The following TNFSF12 variants were observed in gnomAD, a reference collection of about 807,000 sequenced individuals.
TNFSF12 encodes the protein TNF superfamily member 12.
TNFSF12 carries 16 observed loss-of-function variants against 31.2 expected under a neutral mutation model. That is an observed-to-expected ratio of 0.51 (90% CI 0.35 to 0.78). The LOEUF is 0.78. Ranked by LOEUF, TNFSF12 falls within the 30% of genes least tolerant of loss-of-function variation. The pLI is 0.01. For synonymous variants in TNFSF12, 150 were observed against 151.4 expected (o/e 0.99, Z 0.07); for missense variants, 324 against 338.8 (o/e 0.96, Z 0.34).
At chr17:7,554,517 G>A (rs1395806737) in intron 5 of TNFSF12, among the ~76,000 whole-genome samples, 14 of 150,340 alleles carry the variant, frequency 9.3e-5, no homozygotes, top group Non-Finnish European at 1.9e-4. Flanking sequence ...GGGTTTCACC[G>A]TGTTAGCCAG....
intron 5 of TNFSF12, among the ~76,000 whole-genome samples, chr17:7,555,595 C>T (rs2071052231): frequency 6.6e-6 from 1 of 152,098 alleles, no homozygotes; most frequent in Admixed American, 6.6e-5. Flanking sequence ...AGGGAATAAA[C>T]TGGAGGAAGC....
At chr17:7,553,534 A>G in intron 5 of TNFSF12, 1 of 850,672 alleles carries the variant, frequency 1.2e-6, no homozygotes. Context: ...GGTCTTATCT[A>G]ATCCTCACAA....
In TNFSF12 at chr17:7,550,949, C is replaced by T; in HGVS notation, c.344C>T (p.Pro115Leu). 6.2e-7 allele frequency: 1 copy of T among 1,614,138 alleles called. No individual in the cohort carries two copies. Among genetic ancestry groups the T allele is most frequent in the Non-Finnish European group, 8.5e-7 (1 of 1,180,014 alleles). ...CTTTTCCTGTACTTTACAGTTCATCCACGACCTGGACAGGACGGAGCGCAG... is the reference window on the plus strand; with the variant it reads ...CTTTTCCTGTACTTTACAGTTCATCTACGACCTGGACAGGACGGAGCGCAG... ...RAIAAHYEVH[P>L]RPGQDGAQAG... Residue 115 changes from proline (P) to leucine (L), a missense_variant, in exon 5 of 7, where the codon CCA becomes CTA. Pro to Leu is a moderately conservative substitution (Grantham distance 98, BLOSUM62 -3). Transcript: ENST00000293825. The surrounding 1 kb of genome is among the most constrained non-coding windows in gnomAD (Gnocchi z 4.4).
At position 7,550,026 on chromosome 17, in the gene TNFSF12, T is replaced by C; in HGVS notation, c.208-94T>C. On this transcript the variant is annotated intron_variant, in intron 2 of 6. Transcript: ENST00000293825. The surrounding 1 kb of genome is among the most constrained non-coding windows in gnomAD (Gnocchi z 4.4). ...GCTTAATCTGTCCCTGACTTCTGTG[T>C]CTATTGCTGGCTGGTGGCTCTCCTG... is the stretch of plus-strand genomic sequence containing the variant. The C allele has an allele frequency of 6.3e-7, 1 of 1,595,110 alleles. No homozygotes were observed. Among genetic ancestry groups the C allele is most frequent in the Non-Finnish European group, 8.6e-7 (1 of 1,164,492 alleles).
intron 5 of TNFSF12, among the ~76,000 whole-genome samples, chr17:7,551,275 T>C (rs2070999049): frequency 6.6e-6 from 1 of 152,202 alleles, no homozygotes; most frequent in Admixed American, 6.5e-5. Flanking sequence ...TTCCACGTTC[T>C]GATGATCTTT....
chr17:7,549,112 C>A lies in TNFSF12; in HGVS notation c.-42C>A. On this transcript the variant is annotated 5_prime_UTR_variant, in exon 1 of 7. Transcript: ENST00000293825. The surrounding 1 kb of genome is among the most constrained non-coding windows in gnomAD (Gnocchi z 4.1). ...CCCCCTCCCCCGATCCCTCGGGTCC[C>A]GGGATGGGGGGGCGGTGAGGCAGGC... 8.0e-7 allele frequency: 1 copy of A among 1,243,594 alleles called. No homozygotes were observed. 77.0% of individuals were successfully genotyped at this position (1,243,594 alleles called of 1,614,324 possible).
chr17:7,554,376 C>A (rs11871455), intron 5 of TNFSF12, among the ~76,000 whole-genome samples: 9 of 144,050 alleles, frequency 6.2e-5, no homozygotes, highest in South Asian at 2.2e-4. Flanking sequence ...TGTAGTGGCG[C>A]GATCTCGGCT....
Position 7,557,285 on chromosome 17 carries a change from C to A in TNFSF12, c.685C>A (p.Leu229Ile), listed in dbSNP as rs1333615312. The A allele has an allele frequency of 6.2e-7, 1 of 1,613,706 alleles. No homozygotes were observed. The highest frequency in any genetic ancestry group is 1.7e-5 in the Admixed American group (1 of 60,002). The part of the protein sequence containing the change: ...RPGSSLRIRT[L>I]PWAHLKAAPF... ...AGGGTCCTCCCTGCGGATCCGCACC[C>A]TCCCCTGGGCCCATCTCAAGGCTGC... Residue 229 changes from leucine (L) to isoleucine (I), a missense_variant, in exon 7 of 7, where the codon CTC becomes ATC. Physicochemically the swap from Leu to Ile is conservative, Grantham distance 5 (BLOSUM62 2). Transcript: ENST00000293825. This position sits in a 1 kb window ranked among gnomAD's most constrained non-coding sequence, Gnocchi z 5.2.
In TNFSF12 at chr17:7,557,429, C is replaced by T. The variant is rs1373227885; in HGVS notation, c.*79C>T. 2 of 1,497,756 alleles carry T rather than the reference C, an allele frequency of 1.3e-6. No homozygotes were observed. Among genetic ancestry groups the T allele is most frequent in the Non-Finnish European group, 1.8e-6 (2 of 1,126,686 alleles). 92.8% of individuals were successfully genotyped at this position (1,497,756 alleles called of 1,614,324 possible). A position where few individuals can be genotyped will look rare whatever the true frequency, so the allele number is the denominator to read the frequency against. On this transcript the variant is annotated 3_prime_UTR_variant, in exon 7 of 7. Coordinates refer to ENST00000293825, the MANE Select transcript of TNFSF12 (RefSeq NM_003809.3). This position sits in a 1 kb window ranked among gnomAD's most constrained non-coding sequence, Gnocchi z 5.2. ...CTCTGGGCACCCGGTCCCCTCTGCC[C>T]CACCCTCAGCCGCTCTTTGCTCCAG...
chr17:7,550,824 T>C lies in TNFSF12; in HGVS notation c.309T>C (p.Ala103=), dbSNP rs771407996. The change falls in exon 4 of 7, where the codon GCT becomes GCC. Residue 103 remains alanine, a synonymous_variant. Coordinates refer to ENST00000293825, the MANE Select transcript of TNFSF12 (RefSeq NM_003809.3). The surrounding 1 kb of genome is among the most constrained non-coding windows in gnomAD (Gnocchi z 4.4). ...RSAPKGRKTR[A]RRAIAAHYEV... Reference sequence around the variant, plus strand: ...CACCTAAAGGCCGGAAAACACGGGCTCGAAGAGCGATCGCAGCCCATTATG... The same window carrying C: ...CACCTAAAGGCCGGAAAACACGGGCCCGAAGAGCGATCGCAGCCCATTATG... 1 of 1,612,336 alleles carries C rather than the reference T, an allele frequency of 6.2e-7. No homozygotes were observed.
Position 7,549,217 on chromosome 17 carries a change from G to C in TNFSF12, c.64G>C (p.Val22Leu), listed in dbSNP as rs1413049593. Residue 22 changes from valine (V) to leucine (L), a missense_variant, in exon 1 of 7, where the codon GTC becomes CTC. Physicochemically the swap from Val to Leu is conservative, Grantham distance 32. Coordinates refer to ENST00000293825, the MANE Select transcript of TNFSF12 (RefSeq NM_003809.3). This position sits in a 1 kb window ranked among gnomAD's most constrained non-coding sequence, Gnocchi z 4.1. ...RRGEPGTALL[V>L]PLALGLGLAL... is the part of the protein sequence containing the mutation. ...GGGGGAGCCGGGCACCGCCCTGCTGGTCCCGCTCGCGCTGGGCCTGGGCCT... is the reference window on the plus strand; with the variant it reads ...GGGGGAGCCGGGCACCGCCCTGCTGCTCCCGCTCGCGCTGGGCCTGGGCCT... The C allele has an allele frequency of 7.4e-7, 1 of 1,353,052 alleles. No individual in the cohort carries two copies. Among genetic ancestry groups the C allele is most frequent in the Non-Finnish European group, 9.5e-7 (1 of 1,056,846 alleles). 83.8% of individuals were successfully genotyped at this position (1,353,052 alleles called of 1,614,324 possible). A position where few individuals can be genotyped will look rare whatever the true frequency, so the allele number is the denominator to read the frequency against.
At chr17:7,556,339 T>C (rs1303449717) in intron 5 of TNFSF12, among the ~76,000 whole-genome samples, 2 of 152,194 alleles carry the variant, frequency 1.3e-5, no homozygotes, top group Non-Finnish European at 2.9e-5. Context: ...TTCACTCTTT[T>C]TATGGCCAAA....
chr17:7,549,979 C>T lies in TNFSF12; in HGVS notation c.208-141C>T. 1 of 1,364,738 alleles carries T rather than the reference C, an allele frequency of 7.3e-7. No homozygotes were observed. The allele number at this position is 1,364,738 out of a possible 1,614,324, so 84.5% of individuals were successfully genotyped here. ...TCCCAGCTTCACCTTTGCCCGGGGCCCCAGCTGTAGTTGGCTGAGGGGCTT... is the reference window on the plus strand; with the variant it reads ...TCCCAGCTTCACCTTTGCCCGGGGCTCCAGCTGTAGTTGGCTGAGGGGCTT... On this transcript the variant is annotated intron_variant, in intron 2 of 6. Coordinates refer to ENST00000293825, the MANE Select transcript of TNFSF12 (RefSeq NM_003809.3). This position sits in a 1 kb window ranked among gnomAD's most constrained non-coding sequence, Gnocchi z 4.1.
chr17:7,553,143 G>A (rs1030198559), intron 5 of TNFSF12, among the ~76,000 whole-genome samples: 34 of 138,232 alleles, frequency 2.5e-4, no homozygotes, highest in African/African-American at 7.9e-4. Flanking sequence ...TCCACCTCCC[G>A]GGTTCAAGCA....
Position 7,549,244 on chromosome 17 carries a change from G to C in TNFSF12, c.91G>C (p.Ala31Pro), listed in dbSNP as rs2070970404. The C allele has an allele frequency of 7.2e-7, 1 of 1,393,916 alleles. No homozygotes were observed. Among genetic ancestry groups the C allele is most frequent in the South Asian group, 1.6e-5 (1 of 63,118 alleles). 86.3% of individuals were successfully genotyped at this position (1,393,916 alleles called of 1,614,324 possible). Reference sequence around the variant, plus strand: ...CCCGCTCGCGCTGGGCCTGGGCCTGGCGCTGGCCTGCCTCGGCCTCCTGCT... The same window carrying C: ...CCCGCTCGCGCTGGGCCTGGGCCTGCCGCTGGCCTGCCTCGGCCTCCTGCT... ...LVPLALGLGLALACLGLLLAV... is the reference protein window; with the variant it reads ...LVPLALGLGLPLACLGLLLAV... The change falls in exon 1 of 7, where the codon GCG becomes CCG. Residue 31 changes from alanine (A) to proline (P), a missense_variant. Physicochemically the swap from Ala to Pro is conservative, Grantham distance 27 (BLOSUM62 -1). Transcript: ENST00000293825. The surrounding 1 kb of genome is among the most constrained non-coding windows in gnomAD (Gnocchi z 4.1).
intron 5 of TNFSF12, 133 bp from the exon 6 acceptor site, chr17:7,556,645 C>T (rs2071070688): frequency 2.3e-6 from 3 of 1,325,270 alleles, no homozygotes; most frequent in Middle Eastern, 2.0e-4. Flanking sequence ...GATGGGTCCT[C>T]CCTTGCCCGG....
Position 7,557,093 on chromosome 17 carries a change from C to A in TNFSF12, c.499-6C>A. The A allele has an allele frequency of 6.2e-7, 1 of 1,608,148 alleles. No individual in the cohort carries two copies. Among genetic ancestry groups the A allele is most frequent in the East Asian group, 2.2e-5 (1 of 44,750 alleles). The stretch of plus-strand genomic sequence containing the variant: ...GCCTGGACTCGGCCTGTTGTCCCCA[C>A]CCCAGGTGCACTTTGATGAGGGGAA... On this transcript the variant is annotated splice_region_variant and splice_polypyrimidine_tract_variant and intron_variant, in intron 6 of 6. Coordinates refer to ENST00000293825, the MANE Select transcript of TNFSF12 (RefSeq NM_003809.3). This position sits in a 1 kb window ranked among gnomAD's most constrained non-coding sequence, Gnocchi z 5.2.
At chr17:7,553,345 G>A (rs915487977) in intron 5 of TNFSF12, among the ~76,000 whole-genome samples, 3 of 152,098 alleles carry the variant, frequency 2.0e-5, no homozygotes, top group Non-Finnish European at 2.9e-5. Flanking sequence ...CACTGCACCC[G>A]GCCTAGGACA....
Position 7,557,479 on chromosome 17 carries a change from C to A in TNFSF12, c.*129C>A. 7.8e-7 allele frequency: 1 copy of A among 1,287,836 alleles called. No individual in the cohort carries two copies. The highest frequency in any genetic ancestry group is 1.0e-6 in the Non-Finnish European group (1 of 959,502). 79.8% of individuals were successfully genotyped at this position (1,287,836 alleles called of 1,614,324 possible). A position where few individuals can be genotyped will look rare whatever the true frequency, so the allele number is the denominator to read the frequency against. Reference sequence around the variant, plus strand: ...GACCTGCCCCTCCCTCTAGAGGCTGCCTGGGCCTGTTCACGTGTTTTCCAT... The same window carrying A: ...GACCTGCCCCTCCCTCTAGAGGCTGACTGGGCCTGTTCACGTGTTTTCCAT... On this transcript the variant is annotated 3_prime_UTR_variant, in exon 7 of 7. Coordinates refer to ENST00000293825, the MANE Select transcript of TNFSF12 (RefSeq NM_003809.3). This position sits in a 1 kb window ranked among gnomAD's most constrained non-coding sequence, Gnocchi z 5.2.
Sources: allele counts gnomAD v4.1 joint callset (sites outside exome capture counted in the v4.1 genomes callset), GRCh38; gene constraint gnomAD v4.1.1; non-coding constraint Gnocchi (gnomAD v3.1); transcripts MANE v1.5; gene names NCBI Gene and HGNC (gene_info 2026-07-23, HGNC 2026-07-21).